DEPDC7: variants seen among roughly 807,000 people sequenced by gnomAD.
DEPDC7 encodes DEP domain containing 7, also known as DEP domain-containing protein 7.
Under a neutral mutation model 56.6 loss-of-function variants are expected in DEPDC7, and 41 were observed. The observed-to-expected ratio is 0.72, with a 90% CI of 0.56 to 0.94. The LOEUF is 0.94. DEPDC7 is among the 40% of genes least tolerant of loss of function. The pLI is 0.00. For synonymous variants in DEPDC7, 185 were observed against 208.8 expected (o/e 0.89, Z 0.98); for missense variants, 522 against 596.3 (o/e 0.88, Z 1.30).
rs1853634212 is a variant in DEPDC7, at chr11:33,031,599, A to T, written c.994+10A>T. ...ATTGCAGAACTCTTAGGTAAGTAAG[A>T]TCTAACTGGATACTAGCATTTATCT... is the stretch of plus-strand genomic sequence containing the variant. On this transcript the variant is annotated intron_variant, in intron 5 of 8. Transcript: ENST00000241051. 6.3e-7 allele frequency: 1 copy of T among 1,592,580 alleles called. No homozygotes were observed. Among genetic ancestry groups the T allele is most frequent in the Admixed American group, 1.7e-5 (1 of 59,884 alleles).
intron 3 of DEPDC7, 151 bp downstream of exon 3, chr11:33,027,964 A>G: frequency 1.4e-6 from 1 of 713,382 alleles, no homozygotes; most frequent in Non-Finnish European, 2.1e-6. Context: ...CAATTTTAAC[A>G]GAAGTCTATT....
chr11:33,025,248 G>A (rs1305628196), intron 1 of DEPDC7, among the ~76,000 whole-genome samples: 1 of 152,086 alleles, frequency 6.6e-6, no homozygotes, highest in Non-Finnish European at 1.5e-5. Context: ...CTTGCTTCTT[G>A]CTTCTTGGTT....
chr11:33,026,320 G>T, intron 2 of DEPDC7: 1 of 437,498 alleles, frequency 2.3e-6, no homozygotes, highest in East Asian at 4.3e-5. Flanking sequence ...CATACCACTT[G>T]GTATGAGAAC....
At position 33,022,810 on chromosome 11, in the gene DEPDC7, C is replaced by T. The variant is rs561697741; in HGVS notation, c.74-2849C>T. Reference sequence around the variant, plus strand: ...ACTAAATACTGTACCAAGAGTAGATCTAATTCCAGCTTGATTTATTTAGTC... The same window carrying T: ...ACTAAATACTGTACCAAGAGTAGATTTAATTCCAGCTTGATTTATTTAGTC... On this transcript the variant is annotated intron_variant, in intron 1 of 8. Coordinates refer to ENST00000241051, the MANE Select transcript of DEPDC7 (RefSeq NM_001077242.2). Among the ~76,000 whole-genome samples, 7 of 152,288 alleles carry T rather than the reference C, an allele frequency of 4.6e-5. No individual in the cohort carries two copies. The South Asian group carries it at 1.5e-3, about 32-fold the overall frequency.
At chr11:33,019,626 A>T (rs1015239756) in intron 1 of DEPDC7, among the ~76,000 whole-genome samples, 2 of 152,192 alleles carry the variant, frequency 1.3e-5, no homozygotes, top group Non-Finnish European at 2.9e-5. Context: ...AGATCACACC[A>T]CTGCATTCCA....
chr11:33,017,431 T>A (rs2133655674), intron 1 of DEPDC7, among the ~76,000 whole-genome samples: 2 of 152,222 alleles, frequency 1.3e-5, no homozygotes, highest in African/African-American at 4.8e-5. Flanking sequence ...TCTTAGATGG[T>A]GTAAGGAAGT....
At position 33,028,740 on chromosome 11, in the gene DEPDC7, A is replaced by G; in HGVS notation, c.730A>G (p.Asn244Asp). Residue 244 changes from asparagine to aspartate, a missense_variant, in exon 4 of 9, where the codon AAC becomes GAC. Transcript: ENST00000241051. ...PQPKRQSTMVNSSNYLDRGIL... is the reference protein window; with the variant it reads ...PQPKRQSTMVDSSNYLDRGIL... The stretch of plus-strand genomic sequence containing the variant: ...ACCTAAGAGGCAGTCCACCATGGTC[A>G]ACAGCAGTAACTATCTGGATCGAGG... 6.2e-7 allele frequency: 1 copy of G among 1,613,844 alleles called. No homozygotes were observed. The highest frequency in any genetic ancestry group is 8.5e-7 in the Non-Finnish European group (1 of 1,179,986).
At position 33,027,738 on chromosome 11, in the gene DEPDC7, G is replaced by C; in HGVS notation, c.517G>C (p.Asp173His). 1 of 1,575,058 alleles carries C rather than the reference G, an allele frequency of 6.3e-7. No homozygotes were observed. The highest frequency in any genetic ancestry group is 8.6e-7 in the Non-Finnish European group (1 of 1,166,304). Residue 173 changes from aspartate (D) to histidine (H), a missense_variant, in exon 3 of 9, where the codon GAC becomes CAC. Coordinates refer to ENST00000241051, the MANE Select transcript of DEPDC7 (RefSeq NM_001077242.2). The part of the protein sequence containing the change: ...SSDIRSASLE[D>H]LWENLSLKPA... ...CGATATCAGATCAGCCAGTTTAGAG[G>C]ACCTGTGGGAAAATCTGAGTTTAAA...
intron 4 of DEPDC7, among the ~76,000 whole-genome samples, chr11:33,030,477 TA>T: frequency 1.1e-5 from 1 of 92,136 alleles, no homozygotes; most frequent in East Asian, 3.7e-4. Context: ...TAGATAGATA[TA>T]AAAAATGGAA....
intron 1 of DEPDC7, chr11:33,016,234 A>G: frequency 7.6e-7 from 1 of 1,311,812 alleles, no homozygotes; most frequent in African/African-American, 1.5e-5. Context: ...GTGGGCTGCA[A>G]GCGGCAGAGC....
At chr11:33,031,919 C>T (rs1330052366) in intron 5 of DEPDC7, among the ~76,000 whole-genome samples, 2 of 152,154 alleles carry the variant, frequency 1.3e-5, no homozygotes, top group Admixed American at 6.5e-5. Flanking sequence ...ATGGCAGACT[C>T]TCTGCTTTGT....
chr11:33,021,802 C>G (rs1266345604), intron 1 of DEPDC7, among the ~76,000 whole-genome samples: 2 of 152,186 alleles, frequency 1.3e-5, no homozygotes, highest in South Asian at 2.1e-4. Flanking sequence ...GGTGTCTACT[C>G]TCCTGCTCTA....
At chr11:33,022,582 T>C (rs1791270948) in intron 1 of DEPDC7, among the ~76,000 whole-genome samples, 1 of 152,252 alleles carries the variant, frequency 6.6e-6, no homozygotes, top group Non-Finnish European at 1.5e-5. Flanking sequence ...AATAAAGATT[T>C]GAAAAATTAA....
chr11:33,031,283 G>A, intron 4 of DEPDC7, 95 bp from the exon 5 acceptor site: 1 of 853,812 alleles, frequency 1.2e-6, no homozygotes, highest in Non-Finnish European at 1.9e-6. Flanking sequence ...GCTTGAAATA[G>A]CTACTGAATT....
intron 4 of DEPDC7, among the ~76,000 whole-genome samples, chr11:33,029,709 T>C (rs1009260014): frequency 1.3e-5 from 2 of 152,238 alleles, no homozygotes; most frequent in African/African-American, 4.8e-5. Flanking sequence ...GCTTAATTTT[T>C]TATTATTTTG....
chr11:33,020,110 C>T (rs1318114122), intron 1 of DEPDC7, among the ~76,000 whole-genome samples: 1 of 152,082 alleles, frequency 6.6e-6, no homozygotes, highest in African/African-American at 2.4e-5. Context: ...TAGGTTTTCA[C>T]AGTAGGACTA....
In DEPDC7 at chr11:33,026,309, T is replaced by G; in HGVS notation, c.464+260T>G. Reference sequence around the variant, plus strand: ...TATAGTTGCAGTGTAAAAAGTGTTCTCATACCACTTGGTATGAGAACATAG... The same window carrying G: ...TATAGTTGCAGTGTAAAAAGTGTTCGCATACCACTTGGTATGAGAACATAG... On this transcript the variant is annotated intron_variant, in intron 2 of 8. Coordinates refer to ENST00000241051, the MANE Select transcript of DEPDC7 (RefSeq NM_001077242.2). The G allele has an allele frequency of 8.5e-6, 4 of 469,112 alleles. No individual in the cohort carries two copies. In the South Asian group the frequency reaches 8.9e-5, roughly 10 times the overall value. The allele number at this position is 469,112 out of a possible 1,614,324, so 29.1% of individuals were successfully genotyped here. A position where few individuals can be genotyped will look rare whatever the true frequency, so the allele number is the denominator to read the frequency against.
chr11:33,023,723 G>T (rs532997850), intron 1 of DEPDC7, among the ~76,000 whole-genome samples: 1 of 152,228 alleles, frequency 6.6e-6, no homozygotes, highest in Admixed American at 6.5e-5. Flanking sequence ...AGTAGAGAGG[G>T]TTTCACCACC....
At chr11:33,019,534 C>T (rs538739174) in intron 1 of DEPDC7, among the ~76,000 whole-genome samples, 2 of 152,040 alleles carry the variant, frequency 1.3e-5, no homozygotes, top group South Asian at 2.1e-4. Context: ...GGTGTAGTGG[C>T]GCACACCTGT....
Sources: gnomAD v4.1 joint callset for allele counts (sites outside exome capture counted in the v4.1 genomes callset) on GRCh38, gnomAD v4.1.1 for gene constraint, MANE v1.5 for transcripts, NCBI Gene and HGNC (gene_info 2026-07-23, HGNC 2026-07-21) for gene names.